CFAP20DC: variants seen among roughly 807,000 people sequenced by gnomAD.
CFAP20DC encodes protein CFAP20DC.
In CFAP20DC, 84 loss-of-function variants were observed where a neutral mutation model predicts 101.7. The ratio of observed to expected loss-of-function variants is 0.83; its 90% confidence interval spans 0.69 to 0.99. The LOEUF (loss-of-function observed/expected upper bound fraction) is 0.99, where lower values mean the gene tolerates loss of function less well. CFAP20DC is among the 50% of genes least tolerant of loss of function. The pLI, the probability that CFAP20DC is intolerant of heterozygous loss-of-function variation, is 0.00. For synonymous variants in CFAP20DC, 359 were observed against 351.2 expected, an observed-to-expected ratio of 1.02 and a Z score of -0.25; for missense variants, 1,007 against 970.3, an observed-to-expected ratio of 1.04 and a Z score of -0.50.
At chr3:58,853,800 A>G (rs1208826436) in intron 12 of CFAP20DC, among the ~76,000 whole-genome samples, 1 of 152,142 alleles carries the variant, frequency 6.6e-6, no homozygotes, top group African/African-American at 2.4e-5. Flanking sequence ...CATGCTAAGA[A>G]CTCTCAATAA....
intron 4 of CFAP20DC, among the ~76,000 whole-genome samples, chr3:59,024,165 A>G (rs2093852828): frequency 1.3e-5 from 2 of 152,176 alleles, no homozygotes; most frequent in Admixed American, 6.6e-5. Context: ...GAAGTATACC[A>G]CAGAACAAAC....
At chr3:58,935,631 C>T (rs2087458305) in intron 5 of CFAP20DC, among the ~76,000 whole-genome samples, 1 of 152,156 alleles carries the variant, frequency 6.6e-6, no homozygotes, top group Middle Eastern at 3.2e-3. Context: ...ATATCTACAA[C>T]TATCTGATCT....
At chr3:58,750,763 C>G (rs1363703936) in intron 16 of CFAP20DC, among the ~76,000 whole-genome samples, 1 of 152,216 alleles carries the variant, frequency 6.6e-6, no homozygotes, top group Non-Finnish European at 1.5e-5. Context: ...TCCTAACCCC[C>G]ACTTTAGCCA....
chr3:58,979,904 C>G (rs1289399701), intron 4 of CFAP20DC, among the ~76,000 whole-genome samples: 1 of 151,620 alleles, frequency 6.6e-6, no homozygotes, highest in Non-Finnish European at 1.5e-5. Context: ...TCCTGGACAG[C>G]AAATAGGTTT....
At chr3:58,893,981 CT>C in intron 6 of CFAP20DC, among the ~76,000 whole-genome samples, 1 of 152,136 alleles carries the variant, frequency 6.6e-6, no homozygotes, top group East Asian at 1.9e-4. Flanking sequence ...GCAAAAAAAG[CT>C]TGTGCAGGGA....
At chr3:59,034,296 A>C (rs1041738191) in intron 4 of CFAP20DC, among the ~76,000 whole-genome samples, 1 of 152,256 alleles carries the variant, frequency 6.6e-6, no homozygotes, top group Non-Finnish European at 1.5e-5. Context: ...ACTAAGGGGC[A>C]AAATAACCAG....
chr3:58,816,276 C>T (rs936766140), intron 14 of CFAP20DC, among the ~76,000 whole-genome samples: 6 of 152,138 alleles, frequency 3.9e-5, no homozygotes, highest in Middle Eastern at 3.4e-3. Flanking sequence ...AACCAAACAC[C>T]GCGGGGAGGA....
chr3:58,721,204 C>T lies in CFAP20DC; in HGVS notation c.198-3576G>A, dbSNP rs1008103049. ...GTATTCCCACATCTAACACAGCGTCCGGTGGATAGGAGGTACTCAATCACT... is the reference window on the plus strand; with the variant it reads ...GTATTCCCACATCTAACACAGCGTCTGGTGGATAGGAGGTACTCAATCACT... On this transcript the variant is annotated intron_variant, in intron 3 of 3. Transcript: ENST00000486145. This position sits in a 1 kb window ranked among gnomAD's most constrained non-coding sequence, Gnocchi z 5.2. Among the ~76,000 whole-genome samples, 13 of 152,090 alleles carry T rather than the reference C, an allele frequency of 8.5e-5. No individual in the cohort carries two copies. The highest frequency in any genetic ancestry group is 1.3e-4 in the Admixed American group (2 of 15,268).
At chr3:58,968,127 T>C (rs2091706940) in intron 4 of CFAP20DC, among the ~76,000 whole-genome samples, 1 of 152,228 alleles carries the variant, frequency 6.6e-6, no homozygotes, top group Admixed American at 6.5e-5. Flanking sequence ...GGCATTTAGG[T>C]TGATTTCATG....
intron 15 of CFAP20DC, among the ~76,000 whole-genome samples, chr3:58,784,096 C>T (rs551569143): frequency 5.3e-5 from 8 of 151,488 alleles, no homozygotes; most frequent in South Asian, 2.1e-4. Context: ...GGCTGAAGTG[C>T]GGCAGCAGTG....
At chr3:58,854,527 A>T (rs1318619648) in intron 12 of CFAP20DC, among the ~76,000 whole-genome samples, 2 of 152,228 alleles carry the variant, frequency 1.3e-5, no homozygotes, top group Non-Finnish European at 2.9e-5. Flanking sequence ...CACATTGCCA[A>T]GTCAATCCTG....
chr3:59,029,351 A>G (rs1292277807), intron 4 of CFAP20DC, among the ~76,000 whole-genome samples: 1 of 152,178 alleles, frequency 6.6e-6, no homozygotes, highest in East Asian at 1.9e-4. Context: ...AGGAAAAGAA[A>G]AGGGTACTAG....
chr3:58,809,460 C>G (rs1269056893), intron 14 of CFAP20DC, among the ~76,000 whole-genome samples: 1 of 152,008 alleles, frequency 6.6e-6, no homozygotes, highest in East Asian at 1.9e-4. Context: ...CTACTGGGTA[C>G]ATAACGAAAT....
rs578174748 is a variant in CFAP20DC at position 58,910,948 on chromosome 3, C to T, written c.550+2760G>A. Among the ~76,000 whole-genome samples the T allele has an allele frequency of 2.6e-5, 4 of 152,060 alleles. No individual in the cohort carries two copies. In the South Asian group the frequency reaches 6.2e-4, roughly 24 times the overall value. On this transcript the variant is annotated intron_variant, in intron 6 of 16. Transcript: ENST00000482387. ...TAAACAGATAATAGAACTAGGCCTA[C>T]ATATAGATCCAAATATTGGAGTTGT... is the stretch of plus-strand genomic sequence containing the variant.
intron 1 of CFAP20DC, among the ~76,000 whole-genome samples, chr3:59,049,122 T>A (rs1399789235): frequency 6.6e-6 from 1 of 152,216 alleles, no homozygotes; most frequent in Non-Finnish European, 1.5e-5. Flanking sequence ...CGTCTGAGAT[T>A]CACTGACTCC....
intron 13 of CFAP20DC, among the ~76,000 whole-genome samples, chr3:58,847,582 G>T (rs79449754): frequency 0.056 from 8,456 of 152,140 alleles, 510 homozygotes; most frequent in East Asian, 0.35. Context: ...CTGTAAACTA[G>T]TTCAACCGTT....
At position 58,753,749 on chromosome 3, in the gene CFAP20DC, A is replaced by G. The variant is rs779519687; in HGVS notation, c.2332+20T>C. 2.0e-6 allele frequency: 3 copies of G among 1,499,330 alleles called. No homozygotes were observed. Among genetic ancestry groups the G allele is most frequent in the Non-Finnish European group, 2.8e-6 (3 of 1,077,964 alleles). 92.9% of individuals were successfully genotyped at this position (1,499,330 alleles called of 1,614,324 possible). ...AAATTATTTTTATTTTCTTATGCATATCGTTTTTCATAGTCCCACCTTGAA... is the reference window on the plus strand; with the variant it reads ...AAATTATTTTTATTTTCTTATGCATGTCGTTTTTCATAGTCCCACCTTGAA... On this transcript the variant is annotated intron_variant, in intron 16 of 16. Transcript: ENST00000482387.
intron 6 of CFAP20DC, among the ~76,000 whole-genome samples, chr3:58,911,350 A>G (rs776478298): frequency 5.3e-5 from 8 of 152,236 alleles, no homozygotes; most frequent in Non-Finnish European, 1.2e-4. Flanking sequence ...GAATGCATAC[A>G]TGAAATATGT....
chr3:58,943,601 C>A (rs186978115), intron 4 of CFAP20DC, among the ~76,000 whole-genome samples: 1 of 152,156 alleles, frequency 6.6e-6, no homozygotes, highest in African/African-American at 2.4e-5. Flanking sequence ...GTAGATAAAT[C>A]CGCGAAGATG....
Sources: allele counts gnomAD v4.1 joint callset (sites outside exome capture counted in the v4.1 genomes callset), GRCh38; gene constraint gnomAD v4.1.1; non-coding constraint Gnocchi (gnomAD v3.1); transcripts MANE v1.5; gene names NCBI Gene and HGNC (gene_info 2026-07-23, HGNC 2026-07-21).